Variants in RUNX3 observed in about 807,000 individuals in gnomAD.
RUNX3 encodes the protein RUNX family transcription factor 3.
In RUNX3, 10 loss-of-function variants were observed where a neutral mutation model predicts 27.7. The observed-to-expected ratio is 0.36, with a 90% CI of 0.22 to 0.61. The LOEUF is 0.61. Ranked by LOEUF, RUNX3 falls within the 20% of genes least tolerant of loss-of-function variation. RUNX3 has a pLI of 0.72. For missense variants in RUNX3, 469 were observed against 629.5 expected, an observed-to-expected ratio of 0.75 and a Z score of 2.73; for synonymous variants, 270 against 269.2, an observed-to-expected ratio of 1.00 and a Z score of -0.03.
At chr1:24,936,149 TC>T (rs1641346243) in intron 2 of RUNX3, among the ~76,000 whole-genome samples, 1 of 152,266 alleles carries the variant, frequency 6.6e-6, no homozygotes, top group South Asian at 2.1e-4. Flanking sequence ...CATGTGCCCT[TC>T]CCCCAGGGTG....
At chr1:24,928,073 T>A (rs921834459) in intron 1 of RUNX3, among the ~76,000 whole-genome samples, 1 of 152,228 alleles carries the variant, frequency 6.6e-6, no homozygotes, top group Non-Finnish European at 1.5e-5. Flanking sequence ...TGTCTTCGGC[T>A]GCAGCGAAAG....
intron 2 of RUNX3, among the ~76,000 whole-genome samples, chr1:24,941,485 G>A (rs923584063): frequency 3.9e-5 from 6 of 152,218 alleles, no homozygotes; most frequent in African/African-American, 1.4e-4. Context: ...CATCCCCATT[G>A]TAACAGTAGG....
At chr1:24,929,046 G>A (rs560012226) in intron 1 of RUNX3, 9 of 457,260 alleles carry the variant, frequency 2.0e-5, no homozygotes, top group African/African-American at 1.8e-4. Context: ...TCGCCATTCG[G>A]GACGCATAAT....
chr1:24,936,886 C>T (rs989688193), intron 2 of RUNX3, among the ~76,000 whole-genome samples: 5 of 152,200 alleles, frequency 3.3e-5, no homozygotes, highest in Admixed American at 6.5e-5. Flanking sequence ...GGTGAAAGAA[C>T]GCCTCAGACA....
intron 2 of RUNX3, among the ~76,000 whole-genome samples, chr1:24,949,306 C>T (rs1641697483): frequency 6.6e-6 from 1 of 152,100 alleles, no homozygotes; most frequent in Non-Finnish European, 1.5e-5. Flanking sequence ...GATTTGAATC[C>T]AAGTCTGGCT....
At chr1:24,931,507 C>T (rs994623274), upstream of RUNX3, among the ~76,000 whole-genome samples, 75 of 152,362 alleles carry the variant, frequency 4.9e-4, no homozygotes, top group Admixed American at 3.1e-3. Flanking sequence ...CCCCAGACAC[C>T]TCCCTAGACT....
chr1:24,951,345 C>G (rs1270330535), intron 2 of RUNX3, among the ~76,000 whole-genome samples: 1 of 152,200 alleles, frequency 6.6e-6, no homozygotes, highest in African/African-American at 2.4e-5. Context: ...CCCTGTCCCT[C>G]TCTCTCTGTG....
At chr1:24,903,056 C>T (rs1640594383) in intron 4 of RUNX3, among the ~76,000 whole-genome samples, 1 of 152,234 alleles carries the variant, frequency 6.6e-6, no homozygotes, top group African/African-American at 2.4e-5. Context: ...AGGTTCCTCT[C>T]CCCACCGGCC....
intron 1 of RUNX3, among the ~76,000 whole-genome samples, chr1:24,928,245 A>AT: frequency 6.6e-6 from 1 of 152,354 alleles, no homozygotes; most frequent in South Asian, 2.1e-4. Context: ...GCCTCTGCAG[A>AT]GCCTAAATTC....
chr1:24,938,088 T>C (rs1255389047), intron 2 of RUNX3, among the ~76,000 whole-genome samples: 1 of 152,226 alleles, frequency 6.6e-6, no homozygotes, highest in Non-Finnish European at 1.5e-5. Flanking sequence ...AAGTTGGGGC[T>C]GAACAGAGCC....
At chr1:24,934,204 G>A (rs755768995), upstream of RUNX3, among the ~76,000 whole-genome samples, 5 of 152,236 alleles carry the variant, frequency 3.3e-5, no homozygotes, top group Non-Finnish European at 7.3e-5. Context: ...ATATAAGCGA[G>A]AAATGTTAAT....
chr1:24,940,662 G>A (rs1239468297), intron 2 of RUNX3, among the ~76,000 whole-genome samples: 1 of 152,016 alleles, frequency 6.6e-6, no homozygotes. Flanking sequence ...GGAAGGGTGA[G>A]GTGGGGGGAT....
At chr1:24,908,459 C>T (rs1202641521) in intron 3 of RUNX3, among the ~76,000 whole-genome samples, 1 of 150,966 alleles carries the variant, frequency 6.6e-6, no homozygotes, top group South Asian at 2.1e-4. Flanking sequence ...TCAGCCTGGG[C>T]AACTATCGAG....
At chr1:24,929,310 C>T (rs1188736603) in intron 1 of RUNX3, 4 of 668,952 alleles carry the variant, frequency 6.0e-6, no homozygotes, top group Admixed American at 4.1e-5. Flanking sequence ...CGCAAAACCC[C>T]ATCCGCCCAT....
rs1439138967 is a variant in RUNX3, at chr1:24,916,978, A to G, written c.544+2262T>C. 2.0e-5 allele frequency among the ~76,000 whole-genome samples: 3 copies of G among 152,148 alleles called. No individual in the cohort carries two copies. On this transcript the variant is annotated intron_variant, in intron 3 of 4. Transcript: ENST00000308873. The surrounding 1 kb of genome is among the most constrained non-coding windows in gnomAD (Gnocchi z 4.8). ...GGTCTGGGAGACCCAGGCAGGGAAG[A>G]GCAGGCAGGGGATTCTGCTGGAATC...
intron 2 of RUNX3, among the ~76,000 whole-genome samples, chr1:24,948,646 G>T (rs939066098): frequency 6.6e-6 from 1 of 150,542 alleles, no homozygotes; most frequent in Non-Finnish European, 1.5e-5. Context: ...GGAGGGTCAT[G>T]TGCAGGACGG....
intron 3 of RUNX3, among the ~76,000 whole-genome samples, chr1:24,915,198 C>T (rs756152241): frequency 5.3e-5 from 8 of 152,082 alleles, no homozygotes; most frequent in Non-Finnish European, 1.2e-4. Context: ...CTGAGGTGGG[C>T]GGATCACTTG....
chr1:24,937,940 A>AT (rs1419310509), intron 2 of RUNX3, among the ~76,000 whole-genome samples: 3 of 152,146 alleles, frequency 2.0e-5, no homozygotes, highest in Non-Finnish European at 4.4e-5. Context: ...ACAGCTCTCC[A>AT]TTCTAAACAT....
intron 1 of RUNX3, 28 bp downstream of exon 1, chr1:24,929,559 G>A (rs1306024471): frequency 1.9e-6 from 3 of 1,567,092 alleles, no homozygotes; most frequent in Non-Finnish European, 1.7e-6. Flanking sequence ...CAGGGCCGGC[G>A]CCCTCCCGCC....
Sources: allele counts gnomAD v4.1 joint callset (sites outside exome capture counted in the v4.1 genomes callset), GRCh38; gene constraint gnomAD v4.1.1; non-coding constraint Gnocchi (gnomAD v3.1); transcripts MANE v1.5; gene names NCBI Gene and HGNC (gene_info 2026-07-23, HGNC 2026-07-21).